The following NAPEPLD variants were observed in gnomAD, a reference collection of about 807,000 sequenced individuals.
The protein encoded by NAPEPLD is N-acyl phosphatidylethanolamine phospholipase D.
In NAPEPLD, 23 loss-of-function variants were observed where a neutral mutation model predicts 38.1. The observed-to-expected ratio is 0.60, with a 90% CI of 0.43 to 0.86. The LOEUF (loss-of-function observed/expected upper bound fraction) is 0.86. NAPEPLD is among the 40% of genes least tolerant of loss of function. The pLI is 0.00. For synonymous variants in NAPEPLD, 147 were observed against 162.0 expected (o/e 0.91, Z 0.71); for missense variants, 411 against 476.8 (o/e 0.86, Z 1.28).
intron 1 of NAPEPLD, among the ~76,000 whole-genome samples, chr7:103,142,145 G>A (rs2129536594): frequency 6.6e-6 from 1 of 152,324 alleles, no homozygotes; most frequent in South Asian, 2.1e-4. Context: ...AAGCATTTAG[G>A]AAGGATCAAA....
intron 4 of NAPEPLD, among the ~76,000 whole-genome samples, chr7:103,111,115 C>A (rs945150934): frequency 6.6e-6 from 1 of 152,092 alleles, no homozygotes; most frequent in African/African-American, 2.4e-5. Context: ...AGAGAGGACA[C>A]AAACAAATGG....
chr7:103,109,592 T>C (rs1287827253), intron 4 of NAPEPLD, among the ~76,000 whole-genome samples: 1 of 152,162 alleles, frequency 6.6e-6, no homozygotes, highest in Non-Finnish European at 1.5e-5. Context: ...TGGGACACAT[T>C]TAAAGCAGTG....
intron 2 of NAPEPLD, 64 bp downstream of exon 2, chr7:103,128,419 T>G: frequency 6.4e-7 from 1 of 1,564,450 alleles, no homozygotes; most frequent in Non-Finnish European, 8.7e-7. Flanking sequence ...ATACAAGGGC[T>G]CAAATAACTA....
At chr7:103,132,780 G>C (rs1195794656) in intron 1 of NAPEPLD, among the ~76,000 whole-genome samples, 1 of 151,950 alleles carries the variant, frequency 6.6e-6, no homozygotes, top group Admixed American at 6.6e-5. Flanking sequence ...GCGAGACTCC[G>C]TCTCAAAGAA....
chr7:103,139,333 G>GA (rs970885767), intron 1 of NAPEPLD, among the ~76,000 whole-genome samples: 10 of 152,138 alleles, frequency 6.6e-5, no homozygotes, highest in African/African-American at 2.2e-4. Context: ...ATCCATTAGG[G>GA]AAAAAAATCA....
chr7:103,144,506 T>C (rs1379115242), intron 1 of NAPEPLD, among the ~76,000 whole-genome samples: 2 of 152,184 alleles, frequency 1.3e-5, no homozygotes, highest in African/African-American at 2.4e-5. Context: ...TTCTGTATTT[T>C]AGTCACATAA....
chr7:103,141,728 C>T (rs771996576), intron 1 of NAPEPLD: 8 of 859,018 alleles, frequency 9.3e-6, no homozygotes, highest in Non-Finnish European at 1.4e-5. Context: ...CCTGCCCTTC[C>T]GGCAGGCCAA....
chr7:103,136,409 TAAA>T (rs10611860), intron 1 of NAPEPLD, among the ~76,000 whole-genome samples: 48 of 142,022 alleles, frequency 3.4e-4, no homozygotes, highest in Admixed American at 3.5e-4. Flanking sequence ...CTGTCTCTAC[TAAA>T]AAAAAAAAAA....
Position 103,149,010 on chromosome 7 carries a change from G to C in NAPEPLD, c.-216C>G. 2.0e-6 allele frequency: 2 copies of C among 985,458 alleles called. No individual in the cohort carries two copies. The highest frequency in any genetic ancestry group is 2.4e-6 in the Non-Finnish European group (2 of 829,954). 61.0% of individuals were successfully genotyped at this position (985,458 alleles called of 1,614,324 possible). ...TGTCGCTCACAAGTGCGGCATCTCCGAGATGAGGGAGGGCTCGGGGACGGG... is the reference window on the plus strand; with the variant it reads ...TGTCGCTCACAAGTGCGGCATCTCCCAGATGAGGGAGGGCTCGGGGACGGG... On this transcript the variant is annotated 5_prime_UTR_variant, in exon 1 of 5. Coordinates refer to ENST00000465647, the MANE Select transcript of NAPEPLD (RefSeq NM_001122838.3).
At chr7:103,119,470 AC>A in intron 3 of NAPEPLD, 106 bp downstream of exon 3, 1 of 1,241,326 alleles carries the variant, frequency 8.1e-7, no homozygotes, top group South Asian at 1.6e-5. Context: ...AACAAAGTCC[AC>A]CATTAAAATC....
chr7:103,119,957 G>C lies in NAPEPLD; in HGVS notation c.561C>G (p.His187Gln), dbSNP rs753629948. Residue 187 changes from histidine (H) to glutamine (Q), a missense_variant, in exon 3 of 5, where the codon CAC becomes CAG. His to Gln is a conservative substitution (Grantham distance 24). Coordinates refer to ENST00000465647, the MANE Select transcript of NAPEPLD (RefSeq NM_001122838.3). Reference sequence around the variant, plus strand: ...CAGAATTGTAGTCCAGATGGTCATAGTGGTTGTGACTGATAAGGACCGCAT... The same window carrying C: ...CAGAATTGTAGTCCAGATGGTCATACTGGTTGTGACTGATAAGGACCGCAT... Reference protein sequence around the residue: ...PIDAVLISHNHYDHLDYNSVI... With the variant: ...PIDAVLISHNQYDHLDYNSVI... 2 of 1,614,218 alleles carry C rather than the reference G, an allele frequency of 1.2e-6. No individual in the cohort carries two copies. The highest frequency in any genetic ancestry group is 1.7e-6 in the Non-Finnish European group (2 of 1,180,042).
chr7:103,107,580 A>C (rs1482807074), intron 4 of NAPEPLD, among the ~76,000 whole-genome samples: 1 of 152,118 alleles, frequency 6.6e-6, no homozygotes, highest in East Asian at 1.9e-4. Context: ...GCTGAAAAAC[A>C]CAGTAAGAGA....
In NAPEPLD at chr7:103,115,074, C is replaced by A. The variant is rs1805296612; in HGVS notation, c.1042G>T (p.Ala348Ser). 6.2e-7 allele frequency: 1 copy of A among 1,613,068 alleles called. No individual in the cohort carries two copies. The highest frequency in any genetic ancestry group is 8.5e-7 in the Non-Finnish European group (1 of 1,179,674). The change falls in exon 4 of 5, where the codon GCC becomes TCC. Residue 348 changes from alanine to serine, a missense_variant. Physicochemically the swap from Ala to Ser is moderately conservative, Grantham distance 99. Transcript: ENST00000465647. ...KSMAIHWGTF[A>S]LANEHYLEPP... ...ATCAAACTTACCTCATTTGCTAAGGCAAAAGTTCCCCAGTGAATTGCCATA... is the reference window on the plus strand; with the variant it reads ...ATCAAACTTACCTCATTTGCTAAGGAAAAAGTTCCCCAGTGAATTGCCATA...
At chr7:103,107,726 A>G (rs1281777232) in intron 4 of NAPEPLD, among the ~76,000 whole-genome samples, 3 of 145,868 alleles carry the variant, frequency 2.1e-5, no homozygotes, top group Non-Finnish European at 4.5e-5. Flanking sequence ...AAATGAACAA[A>G]GACTCCAAGA....
chr7:103,109,797 T>C (rs187504246), intron 4 of NAPEPLD, among the ~76,000 whole-genome samples: 2 of 151,524 alleles, frequency 1.3e-5, no homozygotes, highest in African/African-American at 4.8e-5. Context: ...AAAAAATCAA[T>C]GAATCCAGGA....
At chr7:103,110,356 C>T (rs79114898) in intron 4 of NAPEPLD, among the ~76,000 whole-genome samples, 2,166 of 152,212 alleles carry the variant, frequency 0.014, 51 homozygotes, top group African/African-American at 0.05. Flanking sequence ...GCAAACTGAA[C>T]CCAGCAGCAC....
At chr7:103,131,038 T>C (rs968643577) in intron 1 of NAPEPLD, among the ~76,000 whole-genome samples, 2 of 152,096 alleles carry the variant, frequency 1.3e-5, no homozygotes, top group Admixed American at 1.3e-4. Context: ...CAGATGAAAA[T>C]GTACAAGTTT....
intron 2 of NAPEPLD, 24 bp from the exon 3 acceptor site, chr7:103,120,247 CA>C (rs769079960): frequency 6.3e-7 from 1 of 1,583,230 alleles, no homozygotes; most frequent in Non-Finnish European, 8.6e-7. Context: ...GAAAGCAAGA[CA>C]AAAGAGTAGT....
At chr7:103,125,912 A>C (rs886541142) in intron 2 of NAPEPLD, among the ~76,000 whole-genome samples, 1 of 149,038 alleles carries the variant, frequency 6.7e-6, no homozygotes, top group Non-Finnish European at 1.5e-5. Flanking sequence ...TAATAATAAT[A>C]ATAATAATAA....
Sources: allele counts gnomAD v4.1 joint callset (sites outside exome capture counted in the v4.1 genomes callset), GRCh38; gene constraint gnomAD v4.1.1; transcripts MANE v1.5; gene names NCBI Gene and HGNC (gene_info 2026-07-23, HGNC 2026-07-21).